METTL15: variants seen among roughly 807,000 people sequenced by gnomAD.
METTL15 encodes the protein 12S rRNA N(4)-cytidine methyltransferase METTL15.
A neutral mutation model predicts 38.3 loss-of-function variants in METTL15; 34 were observed. The ratio of observed to expected loss-of-function variants is 0.89; its 90% CI spans 0.68 to 1.18. The LOEUF is 1.18. METTL15 is among the 50% of genes most tolerant of loss of function. The pLI, the probability that METTL15 is intolerant of heterozygous loss-of-function variation, is 0.00. For synonymous variants in METTL15, 162 were observed against 170.9 expected (o/e 0.95, Z 0.41); for missense variants, 438 against 498.4 (o/e 0.88, Z 1.15).
At chr11:28,321,754 G>A (rs758902725) in intron 6 of METTL15, among the ~76,000 whole-genome samples, 6 of 151,976 alleles carry the variant, frequency 3.9e-5, no homozygotes, top group Non-Finnish European at 5.9e-5. Flanking sequence ...GGCTGGTGGA[G>A]GAGAAGATGA....
intron 3 of METTL15, among the ~76,000 whole-genome samples, chr11:28,129,701 C>T (rs1238910488): frequency 3.3e-5 from 5 of 152,108 alleles, no homozygotes; most frequent in Admixed American, 1.3e-4. Flanking sequence ...TGAGTCACTG[C>T]GCTCAGCCCC....
intron 3 of METTL15, among the ~76,000 whole-genome samples, chr11:28,157,415 A>G (rs1850300204): frequency 6.6e-6 from 1 of 152,184 alleles, no homozygotes; most frequent in Non-Finnish European, 1.5e-5. Context: ...AGTGGCAGAT[A>G]GGGATGCTCT....
chr11:28,415,664 A>G (rs916203390), intron 5 of METTL15, among the ~76,000 whole-genome samples: 1 of 152,212 alleles, frequency 6.6e-6, no homozygotes, highest in Non-Finnish European at 1.5e-5. Context: ...GTCACTCACA[A>G]CAAATAGAAG....
chr11:28,194,272 CA>C (rs1288635939), intron 3 of METTL15, among the ~76,000 whole-genome samples: 2 of 151,424 alleles, frequency 1.3e-5, no homozygotes, highest in Admixed American at 1.3e-4. Context: ...GATCTCAGCT[CA>C]CAGCAACCTC....
At chr11:28,435,485 C>T (rs78363756) in intron 6 of METTL15, among the ~76,000 whole-genome samples, 5,756 of 152,230 alleles carry the variant, frequency 0.038, 360 homozygotes, top group African/African-American at 0.13. Context: ...TCTGGGAATG[C>T]TCCTCAGTCT....
rs139932606 is a variant in METTL15, at chr11:28,211,194, T to C, written c.403T>C (p.Tyr135His). 102 of 1,607,584 alleles carry C rather than the reference T, an allele frequency of 6.3e-5. No homozygotes were observed. The African/African-American group carries it at 1.3e-3, about 20-fold the overall frequency. The change falls in exon 4 of 7, where the codon TAT becomes CAT. Residue 135 changes from tyrosine to histidine, a missense_variant. Transcript: ENST00000407364. ...YALAEHLSELYPKQIRAMLGQ... is the reference protein window; with the variant it reads ...YALAEHLSELHPKQIRAMLGQ... ...ATTAGCTGAACATCTTTCAGAGTTG[T>C]ATCCGTAAGTAATACCCTTGCATAT...
chr11:28,530,596 G>A (rs1851838830), downstream of METTL15, among the ~76,000 whole-genome samples: 1 of 152,052 alleles, frequency 6.6e-6, no homozygotes. Context: ...TTGATTTAAA[G>A]CTACCAACAT....
chr11:28,378,926 T>C (rs1850352545), intron 5 of METTL15, among the ~76,000 whole-genome samples: 2 of 152,030 alleles, frequency 1.3e-5, no homozygotes, highest in East Asian at 3.8e-4. Context: ...TGAGGTTTCC[T>C]CTTTGTTCAT....
At chr11:28,180,120 A>G (rs1851229375) in intron 3 of METTL15, among the ~76,000 whole-genome samples, 1 of 151,844 alleles carries the variant, frequency 6.6e-6, no homozygotes, top group Admixed American at 6.6e-5. Flanking sequence ...CCAGGAATCT[A>G]TATTGTCTTG....
chr11:28,420,186 T>C (rs749353485), intron 5 of METTL15, among the ~76,000 whole-genome samples: 3 of 152,038 alleles, frequency 2.0e-5, no homozygotes, highest in Admixed American at 6.5e-5. Flanking sequence ...TTAAAATATA[T>C]ACGCACCAAC....
chr11:28,108,499 T>C (rs1851581567), intron 1 of METTL15, 47 bp downstream of exon 1: 1 of 152,684 alleles, frequency 6.5e-6, no homozygotes, highest in Admixed American at 6.5e-5. Context: ...TGCCCTCTGC[T>C]AGGGGGAGAG....
intron 6 of METTL15, among the ~76,000 whole-genome samples, chr11:28,475,310 C>T (rs2133467706): frequency 6.6e-6 from 1 of 152,306 alleles, no homozygotes; most frequent in Admixed American, 6.5e-5. Context: ...TGATCCTCTT[C>T]ACCAGCTTGG....
At chr11:28,306,502 G>C (rs1211260109) in intron 6 of METTL15, among the ~76,000 whole-genome samples, 1 of 151,954 alleles carries the variant, frequency 6.6e-6, no homozygotes, top group Non-Finnish European at 1.5e-5. Context: ...GTACTGTCTT[G>C]TTTTTGATAT....
At chr11:28,199,267 A>G (rs1333130616) in intron 3 of METTL15, among the ~76,000 whole-genome samples, 2 of 152,146 alleles carry the variant, frequency 1.3e-5, no homozygotes. Flanking sequence ...ACTGTTACAA[A>G]CCAACCTTCT....
chr11:28,401,240 C>G (rs1036138223), intron 5 of METTL15, among the ~76,000 whole-genome samples: 1 of 151,952 alleles, frequency 6.6e-6, no homozygotes, highest in Non-Finnish European at 1.5e-5. Context: ...ATCATTATGA[C>G]TTGCCTGGAG....
At chr11:28,337,860 C>G (rs1849915912), downstream of METTL15, among the ~76,000 whole-genome samples, 1 of 152,062 alleles carries the variant, frequency 6.6e-6, no homozygotes, top group Non-Finnish European at 1.5e-5. Context: ...TGTAAGTACA[C>G]TGCTGACACA....
intron 4 of METTL15, among the ~76,000 whole-genome samples, chr11:28,211,462 A>G (rs1852638619): frequency 6.6e-6 from 1 of 152,110 alleles, no homozygotes; most frequent in Admixed American, 6.6e-5. Flanking sequence ...TTTGGAATCC[A>G]TCCACAAAAA....
intron 4 of METTL15, among the ~76,000 whole-genome samples, chr11:28,249,727 T>C (rs912195762): frequency 7.3e-5 from 11 of 150,226 alleles, no homozygotes; most frequent in Non-Finnish European, 1.0e-4. Context: ...CTAAGGAGAT[T>C]TTTTTTTTTA....
intron 3 of METTL15, among the ~76,000 whole-genome samples, chr11:28,205,066 A>G (rs1338701820): frequency 6.6e-6 from 1 of 151,914 alleles, no homozygotes; most frequent in East Asian, 1.9e-4. Context: ...GTTAACCACA[A>G]AAATTGACCA....
Sources: gnomAD v4.1 joint callset for allele counts (sites outside exome capture counted in the v4.1 genomes callset) on GRCh38, gnomAD v4.1.1 for gene constraint, MANE v1.5 for transcripts, NCBI Gene and HGNC (gene_info 2026-07-23, HGNC 2026-07-21) for gene names.